NSMF: variants seen among roughly 807,000 people sequenced by gnomAD.
NSMF encodes nasal embryonic LHRH factor.
NSMF carries 31 observed loss-of-function variants against 71.0 expected under a neutral mutation model. The ratio of observed to expected loss-of-function variants is 0.44; its 90% CI spans 0.33 to 0.59. The LOEUF is 0.59. NSMF is among the 20% of genes least tolerant of loss of function. The pLI, the probability that NSMF is intolerant of heterozygous loss-of-function variation, is 0.04. For synonymous variants in NSMF, 345 were observed against 287.1 expected, an observed-to-expected ratio of 1.20 and a Z score of -2.04; for missense variants, 673 against 740.5, an observed-to-expected ratio of 0.91 and a Z score of 1.06.
Position 137,458,532 on chromosome 9 carries a change from C to A in NSMF, c.89G>T (p.Gly30Val), listed in dbSNP as rs1412907133. The change falls in exon 2 of 16, where the codon GGA becomes GTA. Residue 30 changes from glycine to valine, a missense_variant. This residue lies in a region of NSMF where 471 missense variants were observed against 459.6 expected (regional missense o/e 1.02). Transcript: ENST00000371475. ...AGGGTGACTCTGGGACAGGTACTCT[C>A]CAAACGCTCGGGCTGCTCTGAGGGT... Reference protein sequence around the residue: ...AAKVRAARAFGEYLSQSHPEN... With the variant: ...AAKVRAARAFVEYLSQSHPEN... The A allele has an allele frequency of 1.9e-6, 3 of 1,598,716 alleles. No homozygotes were observed. The East Asian group carries it at 6.8e-5, about 36-fold the overall frequency.
chr9:137,452,323 C>T (rs1305139892), intron 12 of NSMF, 42 bp downstream of exon 12: 4 of 1,601,170 alleles, frequency 2.5e-6, no homozygotes, highest in East Asian at 4.5e-5. Flanking sequence ...CCTGCCCCAC[C>T]ACGATTCTTC....
At chr9:137,455,186 G>A (rs1830769778) in intron 6 of NSMF, 53 bp downstream of exon 6, 5 of 1,590,758 alleles carry the variant, frequency 3.1e-6, no homozygotes, top group East Asian at 4.5e-5. Flanking sequence ...GCCCAGGCCA[G>A]GCCAGCACAG....
Position 137,457,868 on chromosome 9 carries a change from T to C in NSMF, c.167A>G (p.Asp56Gly). ...HLLADAYSGH[D>G]GSPEMQPAPQ... The stretch of plus-strand genomic sequence containing the variant: ...GGCCGGCTGCATCTCGGGGGACCCG[T>C]CGTGGCCAGAGTAGGCATCAGCCAG... The change falls in exon 3 of 16, where the codon GAC (aspartate) becomes GGC (glycine). Residue 56 changes from aspartate to glycine, a missense_variant. Coordinates refer to ENST00000371475, the MANE Select transcript of NSMF (RefSeq NM_001130969.3). 6.5e-7 allele frequency: 1 copy of C among 1,548,716 alleles called. No individual in the cohort carries two copies. The highest frequency in any genetic ancestry group is 8.7e-7 in the Non-Finnish European group (1 of 1,148,948).
In NSMF at chr9:137,457,807, G is replaced by A. The variant is rs951171046; in HGVS notation, c.228C>T (p.Asn76=). Residue 76 remains asparagine, a synonymous_variant, in exon 3 of 16, where the codon AAC becomes AAT. Transcript: ENST00000371475. ...QNKRRLSLVS[N]GCYEGSLSEE... is the part of the protein sequence containing the mutation. Reference sequence around the variant, plus strand: ...CTGAGAGGCTGCCCTCGTAGCAGCCGTTGGAGACGAGGGACAGGCGGCGCT... The same window carrying A: ...CTGAGAGGCTGCCCTCGTAGCAGCCATTGGAGACGAGGGACAGGCGGCGCT... 16 of 1,558,198 alleles carry A rather than the reference G, an allele frequency of 1.0e-5. No individual in the cohort carries two copies. Among genetic ancestry groups the A allele is most frequent in the African/African-American group, 4.1e-5 (3 of 73,778 alleles).
In NSMF at chr9:137,448,926, G is replaced by A. The variant is rs1042530980; in HGVS notation, c.*468C>T. The A allele has an allele frequency of 3.3e-5, 9 of 268,690 alleles. No homozygotes were observed. Among genetic ancestry groups the A allele is most frequent in the Admixed American group, 1.5e-4 (3 of 19,852 alleles). 16.6% of individuals were successfully genotyped at this position (268,690 alleles called of 1,614,324 possible). ...CCTGGTGCTGGTGATCGATACGGCA[G>A]GGAGGGGGTGGGCAGGGAGGGTCCT... On this transcript the variant is annotated 3_prime_UTR_variant, in exon 16 of 16. Transcript: ENST00000371475. The surrounding 1 kb of genome is among the most constrained non-coding windows in gnomAD (Gnocchi z 5.3).
Position 137,453,249 on chromosome 9 carries a change from GCCCACAGGGCCCGAAAGCCCCAT to G in NSMF, c.923-92_923-70del, listed in dbSNP as rs1482798032. ...CTCCTATCCTGGCCATGGCCCCAAGGCCCACAGGGCCCGAAAGCCCCATCCCGGAGGGTCCTCCAAGCAAGTGG... is the reference window on the plus strand; with the variant it reads ...CTCCTATCCTGGCCATGGCCCCAAGGCCCGGAGGGTCCTCCAAGCAAGTGG... On this transcript the variant is annotated intron_variant, in intron 8 of 15. Transcript: ENST00000371475. This position sits in a 1 kb window ranked among gnomAD's most constrained non-coding sequence, Gnocchi z 4.5. 2.4e-5 allele frequency: 39 copies of G among 1,599,920 alleles called. No individual in the cohort carries two copies. The highest frequency in any genetic ancestry group is 3.1e-5 in the Non-Finnish European group (36 of 1,176,834).
At chr9:137,454,065 C>T (rs963421177) in intron 7 of NSMF, among the ~76,000 whole-genome samples, 1 of 143,110 alleles carries the variant, frequency 7.0e-6, no homozygotes, top group Admixed American at 6.9e-5. Flanking sequence ...GGGGGCGTGG[C>T]TGGGAGGGGA....
At position 137,459,198 on chromosome 9, in the gene NSMF, G is replaced by T; in HGVS notation, c.-96C>A. 1 of 915,804 alleles carries T rather than the reference G, an allele frequency of 1.1e-6. No homozygotes were observed. The highest frequency in any genetic ancestry group is 1.3e-6 in the Non-Finnish European group (1 of 741,572). 56.7% of individuals were successfully genotyped at this position (915,804 alleles called of 1,614,324 possible). A position where few individuals can be genotyped will look rare whatever the true frequency, so the allele number is the denominator to read the frequency against. ...GCGCCGCACCGGGGGTCGCGCTCGG[G>T]CTCGGGCTCGGGGTCTCGCTCGGGC... On this transcript the variant is annotated 5_prime_UTR_variant, in exon 1 of 16. Transcript: ENST00000371475.
chr9:137,452,632 A>G, intron 10 of NSMF, 46 bp from the exon 11 acceptor site: 1 of 1,611,812 alleles, frequency 6.2e-7, no homozygotes, highest in South Asian at 1.1e-5. Context: ...GCTGCGTCAG[A>G]GCCAGCAGCG....
rs112784568 is a variant in NSMF, at chr9:137,449,016, T to G, written c.*378A>C. 1,155 of 377,146 alleles carry G rather than the reference T, an allele frequency of 3.1e-3. 22 individuals carry two copies. Among genetic ancestry groups the G allele is most frequent in the African/African-American group, 0.022 (1,073 of 47,954 alleles). 23.4% of individuals were successfully genotyped at this position (377,146 alleles called of 1,614,324 possible). A position where few individuals can be genotyped will look rare whatever the true frequency, so the allele number is the denominator to read the frequency against. On this transcript the variant is annotated 3_prime_UTR_variant, in exon 16 of 16. Transcript: ENST00000371475. ...TACACTGTAACTAGCAGCATAGTGCTTAACTAGTTAACAAGAAATGCTGCT... is the reference window on the plus strand; with the variant it reads ...TACACTGTAACTAGCAGCATAGTGCGTAACTAGTTAACAAGAAATGCTGCT...
At position 137,457,660 on chromosome 9, in the gene NSMF, C is replaced by T; in HGVS notation, c.375G>A (p.Lys125=). ...EAEAIELAVV[K]GRRQRHPHHH... is the part of the protein sequence containing the mutation. ...GGTGAGGGTGCCGCTGCCGCCGCCC[C>T]TTCACCACCGCCAGCTCAATGGCCT... is the stretch of plus-strand genomic sequence containing the variant. The change falls in exon 3 of 16, where the codon AAG becomes AAA. Residue 125 remains lysine (K), a synonymous_variant. Coordinates refer to ENST00000371475, the MANE Select transcript of NSMF (RefSeq NM_001130969.3). 6.5e-7 allele frequency: 1 copy of T among 1,550,126 alleles called. No homozygotes were observed. Among genetic ancestry groups the T allele is most frequent in the African/African-American group, 1.4e-5 (1 of 73,214 alleles).
chr9:137,449,578 G>C (rs776144761), intron 15 of NSMF, 21 bp downstream of exon 15: 14 of 1,611,352 alleles, frequency 8.7e-6, no homozygotes, highest in Non-Finnish European at 1.1e-5. Context: ...GCAGAGCTTC[G>C]GCCCAGCCTG....
rs985182227 is a variant in NSMF, at chr9:137,457,945, C to T, written c.134-44G>A. 18 of 1,535,598 alleles carry T rather than the reference C, an allele frequency of 1.2e-5. No individual in the cohort carries two copies. The Admixed American group carries it at 1.8e-4, about 15-fold the overall frequency. On this transcript the variant is annotated intron_variant, in intron 2 of 15. Transcript: ENST00000371475. Reference sequence around the variant, plus strand: ...GAGCCTGCCTGCCGCGTGTGGGCCCCCCGCTGCCGGTTTCATAGCAGGCCG... The same window carrying T: ...GAGCCTGCCTGCCGCGTGTGGGCCCTCCGCTGCCGGTTTCATAGCAGGCCG...
chr9:137,457,771 G>T lies in NSMF; in HGVS notation c.264C>A (p.Ser88Arg). ...GGCCCTCGCCTGCGGGCTTCCTAAT[G>T]CTGGGCTCCTCTGAGAGGCTGCCCT... ...CYEGSLSEEP[S>R]IRKPAGEGPQ... The change falls in exon 3 of 16, where the codon AGC (serine) becomes AGA (arginine). Residue 88 changes from serine to arginine, a missense_variant. Ser to Arg is a moderately radical substitution (Grantham distance 110). This residue lies in a region of NSMF where 471 missense variants were observed against 459.6 expected (regional missense o/e 1.02). Coordinates refer to ENST00000371475, the MANE Select transcript of NSMF (RefSeq NM_001130969.3). 2 of 1,560,344 alleles carry T rather than the reference G, an allele frequency of 1.3e-6. No individual in the cohort carries two copies. The highest frequency in any genetic ancestry group is 4.7e-5 in the East Asian group (2 of 42,266).
chr9:137,452,476 G>A, intron 11 of NSMF, 41 bp from the exon 12 acceptor site: 1 of 1,612,100 alleles, frequency 6.2e-7, no homozygotes, highest in Non-Finnish European at 8.5e-7. Flanking sequence ...CCCCACCCCA[G>A]CCCCAGGGGC....
In NSMF at chr9:137,452,770, C is replaced by T. The variant is rs773170447; in HGVS notation, c.1097G>A (p.Arg366His). 3.7e-6 allele frequency: 6 copies of T among 1,606,946 alleles called. No individual in the cohort carries two copies. The highest frequency in any genetic ancestry group is 5.1e-6 in the Non-Finnish European group (6 of 1,177,856). The part of the protein sequence containing the change: ...PKAEYIPTII[R>H]RDDPSIIPIL... The stretch of plus-strand genomic sequence containing the variant: ...GGGGATGATGGAGGGGTCATCCCGG[C>T]GGATGATAGTGGGGATGTACTCAGC... Residue 366 changes from arginine (R) to histidine (H), a missense_variant, in exon 10 of 16, where the codon CGC becomes CAC. Coordinates refer to ENST00000371475, the MANE Select transcript of NSMF (RefSeq NM_001130969.3).
Position 137,457,673 on chromosome 9 carries a change from A to G in NSMF, c.362T>C (p.Leu121Pro). The G allele has an allele frequency of 6.4e-7, 1 of 1,550,718 alleles. No individual in the cohort carries two copies. The change falls in exon 3 of 16, where the codon CTG becomes CCG. Residue 121 changes from leucine to proline, a missense_variant. This residue lies in a region of NSMF where 471 missense variants were observed against 459.6 expected (regional missense o/e 1.02). Coordinates refer to ENST00000371475, the MANE Select transcript of NSMF (RefSeq NM_001130969.3). ...CTGCCGCCGCCCCTTCACCACCGCC[A>G]GCTCAATGGCCTCCGCCTCAGGGCT... is the stretch of plus-strand genomic sequence containing the variant. ...LPSPEAEAIE[L>P]AVVKGRRQRH...
At chr9:137,456,896 C>T (rs1588508782) in intron 3 of NSMF, among the ~76,000 whole-genome samples, 1 of 152,226 alleles carries the variant, frequency 6.6e-6, no homozygotes. Context: ...GACCACCTTG[C>T]TGAGGGCTGT....
At chr9:137,454,699 G>A (rs1219373814) in intron 6 of NSMF, 6 of 1,516,850 alleles carry the variant, frequency 4.0e-6, no homozygotes, top group South Asian at 2.4e-5. Context: ...GTCTCCTCCC[G>A]AGCTGCATTC....
Sources: gnomAD v4.1 joint callset for allele counts (sites outside exome capture counted in the v4.1 genomes callset) on GRCh38, gnomAD v4.1.1 for gene constraint, gnomAD v4.1.1 regional missense constraint, Gnocchi (gnomAD v3.1) non-coding constraint, MANE v1.5 for transcripts, NCBI Gene and HGNC (gene_info 2026-07-23, HGNC 2026-07-21) for gene names.